IMMP2L: variants seen among roughly 807,000 people sequenced by gnomAD.
The protein encoded by IMMP2L is inner mitochondrial membrane peptidase subunit 2.
In IMMP2L, 18 loss-of-function variants were observed where a neutral mutation model predicts 19.3. The ratio of observed to expected loss-of-function variants is 0.93; its 90% CI spans 0.64 to 1.38. IMMP2L has a LOEUF of 1.38. Among genes scored for constraint, IMMP2L ranks in the 40% most tolerant of loss-of-function variants. The probability of loss-of-function intolerance (pLI) is 0.00; values close to 1 mark genes in which losing one functional copy is unlikely to be tolerated. For synonymous variants in IMMP2L, 76 were observed against 73.0 expected (o/e 1.04, Z -0.21); for missense variants, 233 against 218.2 (o/e 1.07, Z -0.43).
chr7:111,471,188 C>G (rs868462964), intron 3 of IMMP2L, among the ~76,000 whole-genome samples: 6 of 152,032 alleles, frequency 3.9e-5, no homozygotes, highest in African/African-American at 1.4e-4. Flanking sequence ...AGAGGACTCA[C>G]AGATATTTCT....
At chr7:111,048,929 T>C (rs1467230927) in intron 3 of IMMP2L, among the ~76,000 whole-genome samples, 4 of 152,022 alleles carry the variant, frequency 2.6e-5, no homozygotes, top group African/African-American at 7.2e-5. Flanking sequence ...CGTACATTAG[T>C]TTGAAATCTA....
intron 5 of IMMP2L, among the ~76,000 whole-genome samples, chr7:110,772,871 G>A (rs961265131): frequency 1.3e-5 from 2 of 152,068 alleles, no homozygotes; most frequent in African/African-American, 4.8e-5. Flanking sequence ...AGGACCAAGT[G>A]CAGTAAATGA....
At chr7:111,102,400 G>A (rs2129580422) in intron 3 of IMMP2L, among the ~76,000 whole-genome samples, 1 of 151,558 alleles carries the variant, frequency 6.6e-6, no homozygotes, top group South Asian at 2.1e-4. Context: ...CTTAGCTGCT[G>A]GAGTTTAGCA....
chr7:111,168,892 C>A (rs574770625), intron 3 of IMMP2L, among the ~76,000 whole-genome samples: 1 of 151,616 alleles, frequency 6.6e-6, no homozygotes, highest in East Asian at 2.0e-4. Context: ...TACTACAAAC[C>A]GGGTGCCTTA....
At chr7:111,063,356 T>A (rs1401026491) in intron 3 of IMMP2L, among the ~76,000 whole-genome samples, 1 of 152,122 alleles carries the variant, frequency 6.6e-6, no homozygotes, top group South Asian at 2.1e-4. Flanking sequence ...GCACAGTGAC[T>A]CTAGGCCTAG....
intron 3 of IMMP2L, among the ~76,000 whole-genome samples, chr7:111,081,543 A>G (rs145223223): frequency 1.3e-5 from 2 of 152,362 alleles, no homozygotes; most frequent in African/African-American, 4.8e-5. Context: ...GCTCTGGGCT[A>G]TGAGTCCAAA....
At chr7:110,798,042 C>T (rs1024820720) in intron 5 of IMMP2L, among the ~76,000 whole-genome samples, 25 of 151,796 alleles carry the variant, frequency 1.6e-4, no homozygotes, top group African/African-American at 5.1e-4. Context: ...AGAAAAGGTA[C>T]GAGATGTGCA....
chr7:110,702,263 C>G (rs548517530), intron 5 of IMMP2L, among the ~76,000 whole-genome samples: 1 of 151,978 alleles, frequency 6.6e-6, no homozygotes, highest in East Asian at 1.9e-4. Context: ...TCTTGTTGAA[C>G]GGTCGCACTT....
In IMMP2L at chr7:111,163,705, G is replaced by A. The variant is rs149216075; in HGVS notation, c.240-200140C>T. Among the ~76,000 whole-genome samples the A allele has an allele frequency of 2.0e-4, 30 of 152,134 alleles. No homozygotes were observed. The East Asian group carries it at 4.3e-3, about 22-fold the overall frequency. ...ATTTTCTATAGGTTTTGTGTGCAGC[G>A]CAGCCAGCTAGACTTGAGATGCAGT... On this transcript the variant is annotated intron_variant, in intron 3 of 5. Transcript: ENST00000405709.
At chr7:111,393,368 C>T (rs1489027525) in intron 3 of IMMP2L, among the ~76,000 whole-genome samples, 6 of 152,102 alleles carry the variant, frequency 3.9e-5, no homozygotes, top group Non-Finnish European at 1.5e-5. Flanking sequence ...CCTGGCTCTG[C>T]AACAGCTCTC....
intron 5 of IMMP2L, among the ~76,000 whole-genome samples, chr7:110,696,589 G>A (rs1379941209): frequency 6.6e-6 from 1 of 151,978 alleles, no homozygotes; most frequent in Non-Finnish European, 1.5e-5. Flanking sequence ...ACCATGCCCG[G>A]CTGATTTTTG....
At chr7:111,408,427 A>G (rs1435411035) in intron 3 of IMMP2L, among the ~76,000 whole-genome samples, 1 of 151,758 alleles carries the variant, frequency 6.6e-6, no homozygotes, top group Non-Finnish European at 1.5e-5. Context: ...ATGGGTACAC[A>G]TAAATACAAC....
chr7:111,547,970 C>T (rs543270866), intron 1 of IMMP2L, among the ~76,000 whole-genome samples: 1 of 152,208 alleles, frequency 6.6e-6, no homozygotes, highest in Admixed American at 6.5e-5. Context: ...GATCCTCCTG[C>T]CTCAGCCTCA....
At chr7:111,432,419 A>C (rs1348496749) in intron 3 of IMMP2L, among the ~76,000 whole-genome samples, 2 of 151,826 alleles carry the variant, frequency 1.3e-5, no homozygotes, top group African/African-American at 4.9e-5. Flanking sequence ...AAAGACACAA[A>C]TTAATAAATG....
In IMMP2L at chr7:111,458,746, G is replaced by C. The variant is rs145750113; in HGVS notation, c.239+28492C>G. Among the ~76,000 whole-genome samples, 4 of 152,146 alleles carry C rather than the reference G, an allele frequency of 2.6e-5. No homozygotes were observed. In the East Asian group the frequency reaches 7.7e-4, roughly 29 times the overall value. On this transcript the variant is annotated intron_variant, in intron 3 of 5. Coordinates refer to ENST00000405709, the MANE Select transcript of IMMP2L (RefSeq NM_032549.4). ...CTTCACAGCTCATCTGCTTCCACAA[G>C]ATCAACTAACATTTCCATACTGATG...
At chr7:110,670,929 C>G (rs1192435593) in intron 5 of IMMP2L, among the ~76,000 whole-genome samples, 1 of 152,204 alleles carries the variant, frequency 6.6e-6, no homozygotes, top group Admixed American at 6.5e-5. Flanking sequence ...GAACTTGATT[C>G]TCCCCTTTCC....
At chr7:110,783,606 G>A (rs953921918) in intron 5 of IMMP2L, among the ~76,000 whole-genome samples, 1 of 151,898 alleles carries the variant, frequency 6.6e-6, no homozygotes, top group African/African-American at 2.4e-5. Context: ...ATGGAAGTGT[G>A]AATGTTTAAG....
chr7:111,316,265 A>C (rs965187825), intron 3 of IMMP2L, among the ~76,000 whole-genome samples: 1 of 152,258 alleles, frequency 6.6e-6, no homozygotes, highest in Non-Finnish European at 1.5e-5. Flanking sequence ...TAAGAAGCAT[A>C]AAGAGTGGAG....
chr7:111,405,925 C>T (rs764156525), intron 3 of IMMP2L, among the ~76,000 whole-genome samples: 10 of 152,068 alleles, frequency 6.6e-5, no homozygotes, highest in Non-Finnish European at 1.5e-4. Context: ...AATTGAATAG[C>T]TGCAACAAGG....
Sources: gnomAD v4.1 joint callset for allele counts (sites outside exome capture counted in the v4.1 genomes callset) on GRCh38, gnomAD v4.1.1 for gene constraint, MANE v1.5 for transcripts, NCBI Gene and HGNC (gene_info 2026-07-23, HGNC 2026-07-21) for gene names.